UBE2R2: variants seen among roughly 807,000 people sequenced by gnomAD.
UBE2R2 encodes the protein ubiquitin conjugating enzyme E2 R2.
In UBE2R2, 1 loss-of-function variant was observed where a neutral mutation model predicts 27.8. The ratio of observed to expected loss-of-function variants is 0.04; its 90% CI spans 0.01 to 0.17. The LOEUF (loss-of-function observed/expected upper bound fraction) is 0.17. UBE2R2 is among the 10% of genes least tolerant of loss of function. The probability of loss-of-function intolerance (pLI) is 1.00; values close to 1 mark genes in which losing one functional copy is unlikely to be tolerated. For synonymous variants in UBE2R2, 106 were observed against 113.3 expected (o/e 0.94, Z 0.41); for missense variants, 100 against 291.0 (o/e 0.34, Z 4.78).
chr9:33,900,087 T>C, intron 2 of UBE2R2, 87 bp from the exon 3 acceptor site: 3 of 963,108 alleles, frequency 3.1e-6, no homozygotes, highest in Non-Finnish European at 4.8e-6. Flanking sequence ...AAACAGTTTC[T>C]AGGAATAAAG....
At chr9:33,863,806 G>C (rs543574843) in intron 1 of UBE2R2, among the ~76,000 whole-genome samples, 1 of 152,050 alleles carries the variant, frequency 6.6e-6, no homozygotes, top group South Asian at 2.1e-4. Context: ...TCCTGCCTCA[G>C]CCTCCTGAGT....
At chr9:33,879,310 T>G (rs1463597179) in intron 1 of UBE2R2, among the ~76,000 whole-genome samples, 1 of 152,182 alleles carries the variant, frequency 6.6e-6, no homozygotes, top group Non-Finnish European at 1.5e-5. Context: ...AGAGTCAGGA[T>G]TCAAACCCAG....
rs76996403 is a variant in UBE2R2 at position 33,889,161 on chromosome 9, C to T, written c.264+2194C>T. ...TCCTAAGTTCAAACTGAGTTCAGTA[C>T]GCACAGCAGTATTTTGGTGTCTGTC... is the stretch of plus-strand genomic sequence containing the variant. On this transcript the variant is annotated intron_variant, in intron 2 of 4. Coordinates refer to ENST00000263228, the MANE Select transcript of UBE2R2 (RefSeq NM_017811.4). Among the ~76,000 whole-genome samples, 54 of 152,210 alleles carry T rather than the reference C, an allele frequency of 3.5e-4. No individual in the cohort carries two copies. In the East Asian group the frequency reaches 5.6e-3, roughly 16 times the overall value.
chr9:33,899,406 C>T (rs1822195808), intron 2 of UBE2R2, among the ~76,000 whole-genome samples: 1 of 147,806 alleles, frequency 6.8e-6, no homozygotes, highest in African/African-American at 2.5e-5. Context: ...ACGGAGTCTC[C>T]CTCTGTTGCC....
intron 4 of UBE2R2, among the ~76,000 whole-genome samples, chr9:33,913,813 C>T (rs1822561665): frequency 6.6e-6 from 1 of 152,130 alleles, no homozygotes; most frequent in Non-Finnish European, 1.5e-5. Context: ...TAAACTGTCC[C>T]TAAACAATAG....
chr9:33,839,854 C>T (rs1820694508), intron 1 of UBE2R2, among the ~76,000 whole-genome samples: 1 of 152,008 alleles, frequency 6.6e-6, no homozygotes, highest in Non-Finnish European at 1.5e-5. Context: ...ATAAGTTAGC[C>T]AAGTGTGGTG....
intron 1 of UBE2R2, among the ~76,000 whole-genome samples, chr9:33,820,322 A>T (rs1425198956): frequency 1.3e-5 from 2 of 152,214 alleles, no homozygotes; most frequent in Non-Finnish European, 2.9e-5. Context: ...TTGTGATGTT[A>T]GATTTCTTAA....
intron 2 of UBE2R2, among the ~76,000 whole-genome samples, chr9:33,890,969 G>A (rs1821967259): frequency 6.6e-6 from 1 of 151,908 alleles, no homozygotes; most frequent in Admixed American, 6.6e-5. Context: ...ACCAGTGTTG[G>A]TATTTGTGGT....
At chr9:33,875,138 C>T (rs1821574668) in intron 1 of UBE2R2, among the ~76,000 whole-genome samples, 2 of 151,936 alleles carry the variant, frequency 1.3e-5, no homozygotes, top group African/African-American at 2.4e-5. Context: ...TTTTAAAAAA[C>T]TTTAAATGAA....
intron 1 of UBE2R2, among the ~76,000 whole-genome samples, chr9:33,826,457 G>C (rs781071519): frequency 6.6e-6 from 1 of 152,176 alleles, no homozygotes; most frequent in Non-Finnish European, 1.5e-5. Flanking sequence ...CCAGCACTTT[G>C]GGAGGCCGAG....
At chr9:33,879,953 A>T (rs1821696686) in intron 1 of UBE2R2, among the ~76,000 whole-genome samples, 1 of 151,062 alleles carries the variant, frequency 6.6e-6, no homozygotes, top group South Asian at 2.1e-4. Context: ...CAAGGTTATG[A>T]TTCACTGCAG....
At chr9:33,877,048 G>A (rs1260354476) in intron 1 of UBE2R2, among the ~76,000 whole-genome samples, 1 of 152,042 alleles carries the variant, frequency 6.6e-6, no homozygotes. Context: ...AGAGGCTGAG[G>A]CAAGAGAACA....
intron 1 of UBE2R2, among the ~76,000 whole-genome samples, chr9:33,838,924 A>G (rs2130736731): frequency 6.6e-6 from 1 of 152,098 alleles, no homozygotes; most frequent in African/African-American, 2.4e-5. Flanking sequence ...TATACTAAAA[A>G]TACAAAAACT....
At chr9:33,854,361 C>T (rs1215114859) in intron 1 of UBE2R2, among the ~76,000 whole-genome samples, 1 of 151,712 alleles carries the variant, frequency 6.6e-6, no homozygotes, top group East Asian at 1.9e-4. Flanking sequence ...CTCTTGTCGT[C>T]CAGGCTGGAG....
intron 1 of UBE2R2, among the ~76,000 whole-genome samples, chr9:33,850,853 T>C (rs905290240): frequency 1.3e-5 from 2 of 152,226 alleles, no homozygotes; most frequent in African/African-American, 4.8e-5. Context: ...GTGAGTCTTT[T>C]GTTTACTTCC....
intron 1 of UBE2R2, among the ~76,000 whole-genome samples, chr9:33,874,095 C>T (rs1441959605): frequency 6.6e-6 from 1 of 151,764 alleles, no homozygotes; most frequent in Non-Finnish European, 1.5e-5. Context: ...TTACAGGTGC[C>T]CGCTGCCATG....
intron 1 of UBE2R2, among the ~76,000 whole-genome samples, chr9:33,860,075 G>C (rs1255919021): frequency 6.6e-6 from 1 of 150,906 alleles, no homozygotes; most frequent in Non-Finnish European, 1.5e-5. Flanking sequence ...CCAATGTGCT[G>C]AGATTACAGG....
At chr9:33,832,083 C>A (rs1460987716) in intron 1 of UBE2R2, among the ~76,000 whole-genome samples, 1 of 150,856 alleles carries the variant, frequency 6.6e-6, no homozygotes, top group Non-Finnish European at 1.5e-5. Context: ...CCGAGGTGGG[C>A]GGATCACCTG....
At chr9:33,853,791 T>C (rs1342831692) in intron 1 of UBE2R2, among the ~76,000 whole-genome samples, 3 of 149,996 alleles carry the variant, frequency 2.0e-5, no homozygotes, top group Non-Finnish European at 1.5e-5. Context: ...TTTTTTTTTT[T>C]TTTTTGAGAC....
Sources: gnomAD v4.1 joint callset for allele counts (sites outside exome capture counted in the v4.1 genomes callset) on GRCh38, gnomAD v4.1.1 for gene constraint, MANE v1.5 for transcripts, NCBI Gene and HGNC (gene_info 2026-07-23, HGNC 2026-07-21) for gene names.